The following SLC20A2 variants were observed in gnomAD, a reference collection of about 807,000 sequenced individuals.
The protein encoded by SLC20A2 is solute carrier family 20 member 2.
In SLC20A2, 30 loss-of-function variants were observed where a neutral mutation model predicts 61.0. The observed-to-expected ratio is 0.49, with a 90% CI of 0.37 to 0.67. The LOEUF is 0.67. Among genes scored for constraint, SLC20A2 ranks in the 30% least tolerant of loss-of-function variants. The probability of loss-of-function intolerance (pLI) is 0.00; values close to 1 mark genes in which losing one functional copy is unlikely to be tolerated. For synonymous variants in SLC20A2, 351 were observed against 353.3 expected (o/e 0.99, Z 0.07); for missense variants, 626 against 866.4 (o/e 0.72, Z 3.48).
At chr8:42,517,690 C>A (rs779066415) in intron 1 of SLC20A2, among the ~76,000 whole-genome samples, 3 of 152,096 alleles carry the variant, frequency 2.0e-5, no homozygotes, top group Non-Finnish European at 4.4e-5. Context: ...TGCCAGGATT[C>A]ATTAGTATCC....
At chr8:42,541,139 TC>T (rs908385574) in intron 1 of SLC20A2, 2 of 150,858 alleles carry the variant, frequency 1.3e-5, no homozygotes, top group African/African-American at 2.4e-5. Flanking sequence ...ACACGACCCC[TC>T]CCCCGCCGAG....
chr8:42,512,178 C>T (rs186249356), intron 1 of SLC20A2, among the ~76,000 whole-genome samples: 71 of 152,228 alleles, frequency 4.7e-4, no homozygotes, highest in African/African-American at 1.7e-3. Flanking sequence ...ATTGCCAGGA[C>T]AGGATTCATT....
At chr8:42,434,211 T>C (rs143416859) in intron 8 of SLC20A2, among the ~76,000 whole-genome samples, 1 of 152,050 alleles carries the variant, frequency 6.6e-6, no homozygotes, top group East Asian at 1.9e-4. Context: ...CTCAGCTTCC[T>C]GAGTAGCTGG....
intron 1 of SLC20A2, among the ~76,000 whole-genome samples, chr8:42,518,916 A>C (rs1811477272): frequency 6.6e-6 from 1 of 152,218 alleles, no homozygotes; most frequent in South Asian, 2.1e-4. Flanking sequence ...TGTGACCTGA[A>C]GTTTAAATGT....
intron 10 of SLC20A2, 37 bp downstream of exon 10, chr8:42,428,721 C>A (rs371847048): frequency 4.4e-6 from 7 of 1,573,126 alleles, no homozygotes; most frequent in East Asian, 2.3e-5. Context: ...CCTGTCCCAG[C>A]GGCCTGGGGA....
chr8:42,452,370 TAAAGA>T (rs1805799567), intron 5 of SLC20A2, among the ~76,000 whole-genome samples: 1 of 94,602 alleles, frequency 1.1e-5, no homozygotes, highest in African/African-American at 4.8e-5. Flanking sequence ...GAGGAAGAGA[TAAAGA>T]GGAGAAGGAG....
At chr8:42,476,666 A>T (rs775090568) in intron 1 of SLC20A2, among the ~76,000 whole-genome samples, 5 of 152,102 alleles carry the variant, frequency 3.3e-5, no homozygotes, top group African/African-American at 4.8e-5. Flanking sequence ...AGCCTTAGAC[A>T]ACTCATTTCC....
intron 6 of SLC20A2, among the ~76,000 whole-genome samples, chr8:42,442,063 A>T (rs1399360827): frequency 2.0e-5 from 3 of 148,894 alleles, no homozygotes; most frequent in Admixed American, 6.6e-5. Flanking sequence ...CCTCCCAAGT[A>T]GCTGGGATTA....
At chr8:42,419,073 G>T (rs528159438) in intron 10 of SLC20A2, among the ~76,000 whole-genome samples, 1 of 148,830 alleles carries the variant, frequency 6.7e-6, no homozygotes, top group South Asian at 2.1e-4. Flanking sequence ...CATTTAAAAT[G>T]TATCTTGAAA....
chr8:42,486,810 G>A (rs1809048604), intron 1 of SLC20A2, among the ~76,000 whole-genome samples: 1 of 152,098 alleles, frequency 6.6e-6, no homozygotes, highest in East Asian at 1.9e-4. Flanking sequence ...GTCTGGATGT[G>A]TACATTAGTG....
intron 4 of SLC20A2, among the ~76,000 whole-genome samples, chr8:42,461,201 C>A (rs1309329963): frequency 6.6e-6 from 1 of 152,102 alleles, no homozygotes; most frequent in Non-Finnish European, 1.5e-5. Flanking sequence ...TGGCAAACAC[C>A]AAGATTAATG....
intron 2 of SLC20A2, among the ~76,000 whole-genome samples, chr8:42,470,353 G>T (rs781592252): frequency 2.6e-5 from 4 of 151,770 alleles, no homozygotes; most frequent in Admixed American, 1.3e-4. Context: ...AAGCAGCTAG[G>T]ACTACAGGCA....
At position 42,437,426 on chromosome 8, in the gene SLC20A2, G is replaced by C. The variant is rs760132991; in HGVS notation, c.1086C>G (p.His362Gln). Reference sequence around the variant, plus strand: ...GCTTCTCCTCGGGGCCCCTGTCGATGTGGATTTTGTGCAGCAGATCTTTGT... The same window carrying C: ...GCTTCTCCTCGGGGCCCCTGTCGATCTGGATTTTGTGCAGCAGATCTTTGT... ...GLYKDLLHKI[H>Q]IDRGPEEKPA... The change falls in exon 8 of 11, where the codon CAC (histidine) becomes CAG (glutamine). Residue 362 changes from histidine to glutamine, a missense_variant. Physicochemically the swap from His to Gln is conservative, Grantham distance 24. Transcript: ENST00000520262. This position sits in a 1 kb window ranked among gnomAD's most constrained non-coding sequence, Gnocchi z 6.4. 1 of 1,614,180 alleles carries C rather than the reference G, an allele frequency of 6.2e-7. No individual in the cohort carries two copies. The highest frequency in any genetic ancestry group is 1.7e-5 in the Admixed American group (1 of 60,020).
chr8:42,447,478 C>T (rs566802733), intron 5 of SLC20A2, among the ~76,000 whole-genome samples: 1 of 152,052 alleles, frequency 6.6e-6, no homozygotes, highest in Non-Finnish European at 1.5e-5. Flanking sequence ...GAGATGGAGA[C>T]CATCCTGGCT....
chr8:42,521,916 T>C lies in SLC20A2; in HGVS notation c.-265+19905A>G, dbSNP rs1811631749. Among the ~76,000 whole-genome samples the C allele has an allele frequency of 1.6e-5, 2 of 121,330 alleles. 1 individual carries two copies. Among genetic ancestry groups the C allele is most frequent in the African/African-American group, 5.1e-5 (2 of 39,458 alleles). 79.6% of individuals were successfully genotyped at this position (121,330 alleles called of 152,430 possible). On this transcript the variant is annotated intron_variant, in intron 1 of 10. Transcript: ENST00000342228. ...GAAATCTGGGAATAAGCTCTGTGGG[T>C]GACTCAGATTTATGGCAATTTTCTG...
intron 1 of SLC20A2, among the ~76,000 whole-genome samples, chr8:42,476,065 G>A (rs1808063188): frequency 7.1e-6 from 1 of 140,682 alleles, no homozygotes. Context: ...ATTGGGTGAA[G>A]TAGCCGGGTT....
chr8:42,522,878 TAAA>T (rs60134886), intron 1 of SLC20A2, among the ~76,000 whole-genome samples: 5 of 89,640 alleles, frequency 5.6e-5, no homozygotes, highest in Admixed American at 5.0e-4. Context: ...CTAATAATAA[TAAA>T]AAAAAAAAAT....
intron 10 of SLC20A2, among the ~76,000 whole-genome samples, chr8:42,419,902 T>C (rs541908843): frequency 6.6e-6 from 1 of 152,270 alleles, no homozygotes; most frequent in Non-Finnish European, 1.5e-5. Context: ...ATATACAAAT[T>C]GTCGGCCAGG....
intron 1 of SLC20A2, among the ~76,000 whole-genome samples, chr8:42,524,517 G>A (rs1811792880): frequency 6.6e-6 from 1 of 152,128 alleles, no homozygotes; most frequent in South Asian, 2.1e-4. Flanking sequence ...GCTGGGCGCT[G>A]TGGCTCACCC....
Sources: gnomAD v4.1 joint callset for allele counts (sites outside exome capture counted in the v4.1 genomes callset) on GRCh38, gnomAD v4.1.1 for gene constraint, Gnocchi (gnomAD v3.1) non-coding constraint, MANE v1.5 for transcripts, NCBI Gene and HGNC (gene_info 2026-07-23, HGNC 2026-07-21) for gene names.